Variants in ADGRG6 observed in about 807,000 individuals in gnomAD.
The protein encoded by ADGRG6 is adhesion G protein-coupled receptor G6.
ADGRG6 carries 84 observed loss-of-function variants against 142.4 expected under a neutral mutation model. That is an observed-to-expected ratio of 0.59 (90% CI 0.49 to 0.71). The LOEUF is 0.71. Ranked by LOEUF, ADGRG6 falls within the 30% of genes least tolerant of loss-of-function variation. The pLI is 0.00. For synonymous variants in ADGRG6, 521 were observed against 520.5 expected, an observed-to-expected ratio of 1.00 and a Z score of -0.01; for missense variants, 1,367 against 1,466.6, an observed-to-expected ratio of 0.93 and a Z score of 1.11.
chr6:142,428,749 A>G (rs1777073713), intron 22 of ADGRG6, among the ~76,000 whole-genome samples: 1 of 152,148 alleles, frequency 6.6e-6, no homozygotes, highest in Non-Finnish European at 1.5e-5. Flanking sequence ...CATCCCCATG[A>G]TCCAGTCACC....
intron 2 of ADGRG6, among the ~76,000 whole-genome samples, chr6:142,312,760 T>A (rs925529204): frequency 6.6e-6 from 1 of 152,100 alleles, no homozygotes; most frequent in Non-Finnish European, 1.5e-5. Context: ...ATCACTGTGT[T>A]AACTAGCATT....
chr6:142,443,582 A>T lies in ADGRG6; in HGVS notation c.*67A>T. On this transcript the variant is annotated 3_prime_UTR_variant, in exon 25 of 25. Transcript: ENST00000367609. ...TTTGCAAGCAGTGTAAACTGCAACT[A>T]GTGATGTAAATGTGCTATTACCTAG... 1 of 1,034,170 alleles carries T rather than the reference A, an allele frequency of 9.7e-7. No individual in the cohort carries two copies. Among genetic ancestry groups the T allele is most frequent in the Non-Finnish European group, 1.5e-6 (1 of 688,580 alleles). The allele number at this position is 1,034,170 out of a possible 1,614,324, so 64.1% of individuals were successfully genotyped here.
chr6:142,423,279 T>C (rs1302855760), intron 22 of ADGRG6, among the ~76,000 whole-genome samples: 19 of 145,506 alleles, frequency 1.3e-4, no homozygotes, highest in Admixed American at 1.2e-3. Context: ...GGTTTTCTTC[T>C]AGGGTTTTTA....
chr6:142,304,247 G>C (rs946726510), intron 1 of ADGRG6, among the ~76,000 whole-genome samples: 1 of 152,132 alleles, frequency 6.6e-6, no homozygotes, highest in Non-Finnish European at 1.5e-5. Flanking sequence ...CTACTTAAGT[G>C]TATTTTCTGC....
chr6:142,379,458 C>T (rs968417819), intron 4 of ADGRG6, among the ~76,000 whole-genome samples: 1 of 152,080 alleles, frequency 6.6e-6, no homozygotes, highest in Non-Finnish European at 1.5e-5. Flanking sequence ...CCTCATTTTC[C>T]CTCACTGCCT....
At chr6:142,408,321 C>T in intron 16 of ADGRG6, 52 bp downstream of exon 16, 1 of 1,350,022 alleles carries the variant, frequency 7.4e-7, no homozygotes, top group African/African-American at 1.5e-5. Flanking sequence ...ATTTAATATA[C>T]TAGTGGGGCC....
Position 142,397,720 on chromosome 6 carries a change from G to A in ADGRG6, c.1532G>A (p.Gly511Asp). ...LLKNNESLDE[G>D]LRLHTVNVRQ... ...AAAAATAATGAGTCCTTGGATGAAG[G>A]CTTGAGGCTACATACAGTGAATGTG... is the stretch of plus-strand genomic sequence containing the variant. The change falls in exon 10 of 25, where the codon GGC becomes GAC. Residue 511 changes from glycine to aspartate, a missense_variant. Around this residue, in one of 3 missense-constraint regions of ADGRG6, gnomAD observed 737 missense variants for 746.5 expected, o/e 0.99. Transcript: ENST00000367609. 6.2e-7 allele frequency: 1 copy of A among 1,605,250 alleles called. No individual in the cohort carries two copies. The highest frequency in any genetic ancestry group is 2.2e-5 in the East Asian group (1 of 44,480).
In ADGRG6 at chr6:142,437,518, G is replaced by T; in HGVS notation, c.3404G>T (p.Arg1135Leu). The T allele has an allele frequency of 6.6e-7, 1 of 1,511,404 alleles. No individual in the cohort carries two copies. The highest frequency in any genetic ancestry group is 1.1e-5 in the South Asian group (1 of 89,074). 93.6% of individuals were successfully genotyped at this position (1,511,404 alleles called of 1,614,324 possible). The change falls in exon 23 of 25, where the codon CGG becomes CTG. Residue 1135 changes from arginine (R) to leucine (L), a missense_variant. By Grantham distance (102) the Arg-to-Leu change is moderately radical. Around this residue, in one of 3 missense-constraint regions of ADGRG6, gnomAD observed 344 missense variants for 348.7 expected, o/e 0.99. Coordinates refer to ENST00000367609, the MANE Select transcript of ADGRG6 (RefSeq NM_198569.3). ...CAGCATCTCTGCTGTGGTAGATTTC[G>T]GTTAGCAGATAACTCAGGTAAAGAG... ...WRQHLCCGRF[R>L]LADNSDWSKT...
rs572150089 is a variant in ADGRG6, at chr6:142,417,383, A to C, written c.3035+14A>C. ...AGGTGATGAATTGTAAGTAATAAAAACTTTTTGTGATGAGTAGATATCCTT... is the reference window on the plus strand; with the variant it reads ...AGGTGATGAATTGTAAGTAATAAAACCTTTTTGTGATGAGTAGATATCCTT... On this transcript the variant is annotated intron_variant, in intron 21 of 24. Coordinates refer to ENST00000367609, the MANE Select transcript of ADGRG6 (RefSeq NM_198569.3). 1.0e-5 allele frequency: 12 copies of C among 1,187,048 alleles called. No homozygotes were observed. The East Asian group carries it at 2.4e-4, about 23-fold the overall frequency. 73.5% of individuals were successfully genotyped at this position (1,187,048 alleles called of 1,614,324 possible). A position where few individuals can be genotyped will look rare whatever the true frequency, so the allele number is the denominator to read the frequency against.
At chr6:142,378,344 G>A (rs1781597226) in intron 4 of ADGRG6, among the ~76,000 whole-genome samples, 1 of 152,176 alleles carries the variant, frequency 6.6e-6, no homozygotes, top group African/African-American at 2.4e-5. Flanking sequence ...CCAACATTGT[G>A]TGTAATATGA....
chr6:142,365,875 A>G (rs1334456884), intron 2 of ADGRG6, among the ~76,000 whole-genome samples: 1 of 152,190 alleles, frequency 6.6e-6, no homozygotes, highest in Non-Finnish European at 1.5e-5. Context: ...AGTAACTACC[A>G]TTTTTCAAGA....
chr6:142,435,373 G>C (rs1175657722), intron 22 of ADGRG6, among the ~76,000 whole-genome samples: 3 of 152,094 alleles, frequency 2.0e-5, no homozygotes, highest in East Asian at 1.9e-4. Context: ...CCCTTATGTA[G>C]ATATACTGCT....
At chr6:142,304,247 G>A (rs946726510) in intron 1 of ADGRG6, among the ~76,000 whole-genome samples, 3 of 152,132 alleles carry the variant, frequency 2.0e-5, no homozygotes, top group Non-Finnish European at 2.9e-5. Flanking sequence ...CTACTTAAGT[G>A]TATTTTCTGC....
At position 142,408,253 on chromosome 6, in the gene ADGRG6, A is replaced by G. The variant is rs763492059; in HGVS notation, c.2372A>G (p.Lys791Arg). ...AAGGATCCTGTTCAAATAAAAATCA[A>G]ACATACAAGAACTCAGGTAAGAAAA... is the stretch of plus-strand genomic sequence containing the variant. The part of the protein sequence containing the change: ...NLKDPVQIKI[K>R]HTRTQEVHHP... Residue 791 changes from lysine to arginine, a missense_variant, in exon 16 of 25, where the codon AAA (lysine) becomes AGA (arginine). Lys to Arg is a conservative substitution (Grantham distance 26, BLOSUM62 2). Transcript: ENST00000367609. 1 of 1,566,568 alleles carries G rather than the reference A, an allele frequency of 6.4e-7. No individual in the cohort carries two copies. Among genetic ancestry groups the G allele is most frequent in the Non-Finnish European group, 8.7e-7 (1 of 1,153,256 alleles).
chr6:142,405,943 G>T, intron 15 of ADGRG6, 115 bp downstream of exon 15: 1 of 692,166 alleles, frequency 1.4e-6, no homozygotes, highest in Non-Finnish European at 2.2e-6. Context: ...AAAATTTACT[G>T]TGTTTTCAAA....
chr6:142,401,898 T>C, intron 11 of ADGRG6, 96 bp from the exon 12 acceptor site: 1 of 597,884 alleles, frequency 1.7e-6, no homozygotes, highest in Non-Finnish European at 3.0e-6. Flanking sequence ...ATTGATCATA[T>C]TGTAATAAAT....
At chr6:142,361,378 G>A (rs543892420) in intron 2 of ADGRG6, among the ~76,000 whole-genome samples, 24 of 152,202 alleles carry the variant, frequency 1.6e-4, no homozygotes, top group African/African-American at 2.6e-4. Context: ...ACAAGCTCTC[G>A]GATGATGCCC....
intron 2 of ADGRG6, among the ~76,000 whole-genome samples, chr6:142,361,967 G>A (rs1387087567): frequency 6.6e-6 from 1 of 152,154 alleles, no homozygotes; most frequent in African/African-American, 2.4e-5. Context: ...GCTGACTCTG[G>A]AATGATTTAC....
In ADGRG6 at chr6:142,403,828, C is replaced by G; in HGVS notation, c.1982C>G (p.Ala661Gly). 1 of 1,585,628 alleles carries G rather than the reference C, an allele frequency of 6.3e-7. No homozygotes were observed. The highest frequency in any genetic ancestry group is 8.5e-7 in the Non-Finnish European group (1 of 1,170,580). ...GCTTTAAAAACAATTGATGAATTGGCCTTCAAGATAGACCTAAATAGCACA... is the reference window on the plus strand; with the variant it reads ...GCTTTAAAAACAATTGATGAATTGGGCTTCAAGATAGACCTAAATAGCACA... Reference protein sequence around the residue: ...SEALKTIDELAFKIDLNSTSH... With the variant: ...SEALKTIDELGFKIDLNSTSH... The change falls in exon 14 of 25, where the codon GCC (alanine) becomes GGC (glycine). Residue 661 changes from alanine (A) to glycine (G), a missense_variant. Physicochemically the swap from Ala to Gly is moderately conservative, Grantham distance 60 (BLOSUM62 0). Around this residue, in one of 3 missense-constraint regions of ADGRG6, gnomAD observed 286 missense variants for 371.4 expected, o/e 0.77. Coordinates refer to ENST00000367609, the MANE Select transcript of ADGRG6 (RefSeq NM_198569.3).
Sources: gnomAD v4.1 joint callset for allele counts (sites outside exome capture counted in the v4.1 genomes callset) on GRCh38, gnomAD v4.1.1 for gene constraint, gnomAD v4.1.1 regional missense constraint, MANE v1.5 for transcripts, NCBI Gene and HGNC (gene_info 2026-07-23, HGNC 2026-07-21) for gene names.